SGCD: variants seen among roughly 807,000 people sequenced by gnomAD.
SGCD encodes delta-sarcoglycan.
SGCD carries 18 observed loss-of-function variants against 36.6 expected under a neutral mutation model. The ratio of observed to expected loss-of-function variants is 0.49; its 90% CI spans 0.34 to 0.73. SGCD has a LOEUF of 0.73. SGCD is among the 30% of genes least tolerant of loss of function. SGCD has a pLI of 0.01. For missense variants in SGCD, 387 were observed against 346.7 expected, an observed-to-expected ratio of 1.12 and a Z score of -0.92; for synonymous variants, 133 against 130.6, an observed-to-expected ratio of 1.02 and a Z score of -0.12.
intron 1 of SGCD, among the ~76,000 whole-genome samples, chr5:156,047,577 A>G (rs577831084): frequency 6.6e-6 from 1 of 152,290 alleles, no homozygotes; most frequent in East Asian, 1.9e-4. Flanking sequence ...CAAAGCTTGG[A>G]TAACAGAAAA....
intron 3 of SGCD, among the ~76,000 whole-genome samples, chr5:156,130,695 A>T (rs529266184): frequency 3.7e-4 from 57 of 152,054 alleles, no homozygotes; most frequent in African/African-American, 1.3e-3. Flanking sequence ...AAATAAATGC[A>T]TTCTGTATTT....
At chr5:156,672,349 G>A (rs955705958) in intron 7 of SGCD, among the ~76,000 whole-genome samples, 6 of 152,142 alleles carry the variant, frequency 3.9e-5, no homozygotes, top group African/African-American at 1.4e-4. Flanking sequence ...AGTAAGGGTG[G>A]TCTGGTTGCC....
intron 7 of SGCD, among the ~76,000 whole-genome samples, chr5:156,655,986 G>A (rs281046): frequency 0.85 from 129,900 of 152,016 alleles, 55,725 homozygotes; most frequent in East Asian, 0.99. Flanking sequence ...CAACTGTAAA[G>A]TTTCCTTGTA....
At chr5:156,333,305 A>G (rs1768158547) in intron 2 of SGCD, among the ~76,000 whole-genome samples, 2 of 152,226 alleles carry the variant, frequency 1.3e-5, no homozygotes, top group Non-Finnish European at 2.9e-5. Flanking sequence ...TTTTAGAGAC[A>G]TATCAAAGAT....
intron 3 of SGCD, among the ~76,000 whole-genome samples, chr5:156,213,191 G>A (rs867562480): frequency 6.6e-6 from 1 of 151,728 alleles, no homozygotes; most frequent in Non-Finnish European, 1.5e-5. Flanking sequence ...AAAAACAATA[G>A]CAAAGATTAA....
intron 3 of SGCD, among the ~76,000 whole-genome samples, chr5:156,472,298 GC>G (rs1755005554): frequency 6.6e-6 from 1 of 152,166 alleles, no homozygotes; most frequent in Non-Finnish European, 1.5e-5. Flanking sequence ...ATTTACAGCA[GC>G]TTTTTCATAA....
At position 156,759,358 on chromosome 5, in the gene SGCD, A is replaced by T. The variant is rs369434183; in HGVS notation, c.841A>T (p.Thr281Ser). ...CCTGTCTCAGGCAGGAGCTGGGTCCACTTGTCAGATAAACACAAGTGTCTG... is the reference window on the plus strand; with the variant it reads ...CCTGTCTCAGGCAGGAGCTGGGTCCTCTTGTCAGATAAACACAAGTGTCTG... ...LFLSQAGAGSTCQINTSVCL is the reference protein window; with the variant it reads ...LFLSQAGAGSSCQINTSVCL Residue 281 changes from threonine to serine, a missense_variant, in exon 9 of 9, where the codon ACT (threonine) becomes TCT (serine). Coordinates refer to ENST00000337851, the MANE Select transcript of SGCD (RefSeq NM_000337.6). 1.2e-6 allele frequency: 2 copies of T among 1,611,962 alleles called. No homozygotes were observed. The highest frequency in any genetic ancestry group is 2.2e-5 in the East Asian group (1 of 44,832).
At chr5:156,405,758 C>A (rs973791679) in intron 3 of SGCD, among the ~76,000 whole-genome samples, 2 of 152,022 alleles carry the variant, frequency 1.3e-5, no homozygotes, top group African/African-American at 4.8e-5. Flanking sequence ...GAGTCCTGTG[C>A]GGTTTAGTTT....
intron 1 of SGCD, among the ~76,000 whole-genome samples, chr5:155,883,559 C>T (rs1478389372): frequency 6.6e-6 from 1 of 151,972 alleles, no homozygotes; most frequent in Non-Finnish European, 1.5e-5. Context: ...TGGAACAGTT[C>T]ACAACATTTA....
intron 3 of SGCD, among the ~76,000 whole-genome samples, chr5:156,404,320 G>A (rs760721853): frequency 6.6e-6 from 1 of 152,130 alleles, no homozygotes; most frequent in Non-Finnish European, 1.5e-5. Flanking sequence ...ATTTGTCAGG[G>A]AAATGTCAGT....
At chr5:156,467,570 G>T (rs1754770380) in intron 3 of SGCD, among the ~76,000 whole-genome samples, 1 of 152,202 alleles carries the variant, frequency 6.6e-6, no homozygotes, top group Admixed American at 6.5e-5. Flanking sequence ...AAACAGAGAT[G>T]GAGCATGATG....
At chr5:155,770,533 G>A in the SGCD span, among the ~76,000 whole-genome samples, 1 of 152,116 alleles carries the variant, frequency 6.6e-6, no homozygotes, top group Admixed American at 6.6e-5. Context: ...TGTTAGAAAA[G>A]TAGTAGCCTT....
intron 3 of SGCD, among the ~76,000 whole-genome samples, chr5:156,151,026 C>T (rs561180859): frequency 2.0e-5 from 3 of 151,676 alleles, no homozygotes; most frequent in Non-Finnish European, 2.9e-5. Flanking sequence ...CATTTCATTA[C>T]TCTGAATTTA....
chr5:156,439,863 A>G (rs911983529), intron 3 of SGCD, among the ~76,000 whole-genome samples: 1 of 152,176 alleles, frequency 6.6e-6, no homozygotes, highest in Non-Finnish European at 1.5e-5. Flanking sequence ...TGTTGTGGAA[A>G]AAAAATCATG....
At chr5:156,709,221 A>C (rs997444796) in intron 7 of SGCD, among the ~76,000 whole-genome samples, 2 of 152,362 alleles carry the variant, frequency 1.3e-5, no homozygotes, top group East Asian at 3.9e-4. Context: ...TGCAGAGGTC[A>C]TGAAGACCAT....
At chr5:156,146,829 G>C (rs1226494801) in intron 3 of SGCD, among the ~76,000 whole-genome samples, 1 of 152,140 alleles carries the variant, frequency 6.6e-6, no homozygotes, top group Non-Finnish European at 1.5e-5. Context: ...GTGGGGAAAT[G>C]AACTGTTTTA....
chr5:156,385,764 C>A (rs752915682), intron 3 of SGCD, among the ~76,000 whole-genome samples: 1 of 152,172 alleles, frequency 6.6e-6, no homozygotes, highest in Non-Finnish European at 1.5e-5. Flanking sequence ...CAGAGCTTTA[C>A]GTGCTCAGAG....
chr5:156,300,582 TCTGAAAC>T (rs1037805451), intron 3 of SGCD, among the ~76,000 whole-genome samples: 1 of 152,160 alleles, frequency 6.6e-6, no homozygotes, highest in Admixed American at 6.5e-5. Flanking sequence ...GAATGTGAAT[TCTGAAAC>T]CTTTGGATAG....
chr5:156,209,636 A>T (rs1240733417), intron 3 of SGCD, among the ~76,000 whole-genome samples: 2 of 152,198 alleles, frequency 1.3e-5, no homozygotes, highest in African/African-American at 4.8e-5. Flanking sequence ...CACTCCTGTA[A>T]ACCCAGGTTG....
Sources: allele counts gnomAD v4.1 joint callset (sites outside exome capture counted in the v4.1 genomes callset), GRCh38; gene constraint gnomAD v4.1.1; transcripts MANE v1.5; gene names NCBI Gene and HGNC (gene_info 2026-07-23, HGNC 2026-07-21).